Variants in CTNND2 observed in about 807,000 individuals in gnomAD.
CTNND2 encodes the protein catenin delta-2.
CTNND2 carries 22 observed loss-of-function variants against 144.4 expected under a neutral mutation model. The ratio of observed to expected loss-of-function variants is 0.15; its 90% CI spans 0.11 to 0.22. The LOEUF is 0.22. Ranked by LOEUF, CTNND2 falls within the 10% of genes least tolerant of loss-of-function variation. The pLI, the probability that CTNND2 is intolerant of heterozygous loss-of-function variation, is 1.00. For missense variants in CTNND2, 1,353 were observed against 1,618.8 expected, an observed-to-expected ratio of 0.84 and a Z score of 2.82; for synonymous variants, 751 against 695.6, an observed-to-expected ratio of 1.08 and a Z score of -1.25.
intron 9 of CTNND2, among the ~76,000 whole-genome samples, chr5:11,311,793 A>G (rs963723069): frequency 7.8e-6 from 1 of 128,476 alleles, no homozygotes; most frequent in Admixed American, 7.7e-5. Context: ...ACACACACAC[A>G]CACACACACT....
At chr5:11,874,928 A>G (rs72736685) in intron 1 of CTNND2, among the ~76,000 whole-genome samples, 85 of 152,338 alleles carry the variant, frequency 5.6e-4, no homozygotes, top group Middle Eastern at 3.4e-3. Context: ...TAAGTTACAT[A>G]TGAAAGAATG....
intron 1 of CTNND2, among the ~76,000 whole-genome samples, chr5:11,860,874 G>A (rs1047907528): frequency 6.6e-6 from 1 of 152,000 alleles, no homozygotes; most frequent in African/African-American, 2.4e-5. Context: ...TGCCTAAATT[G>A]CCATCTACAC....
intron 7 of CTNND2, among the ~76,000 whole-genome samples, chr5:11,374,478 C>T (rs1042566848): frequency 6.6e-6 from 1 of 152,128 alleles, no homozygotes; most frequent in African/African-American, 2.4e-5. Flanking sequence ...TCTTCACCAC[C>T]ACAATCTTCT....
chr5:11,653,069 TCGTG>T (rs1349275072), intron 2 of CTNND2, among the ~76,000 whole-genome samples: 1 of 105,082 alleles, frequency 9.5e-6, no homozygotes, highest in Admixed American at 1.1e-4. Context: ...TGAACAAAAT[TCGTG>T]TGTGTGTGTG....
chr5:11,582,810 G>A (rs1278152808), intron 2 of CTNND2, among the ~76,000 whole-genome samples: 1 of 152,206 alleles, frequency 6.6e-6, no homozygotes, highest in Admixed American at 6.5e-5. Context: ...CTCTGAGAAA[G>A]TTATATTAAA....
Position 11,018,077 on chromosome 5 carries a change from G to A in CTNND2, c.3000-19C>T, listed in dbSNP as rs1260139907. 1.3e-6 allele frequency: 2 copies of A among 1,577,576 alleles called. No homozygotes were observed. The highest frequency in any genetic ancestry group is 1.3e-5 in the African/African-American group (1 of 74,224). ...AGAGTGTCTGATGAAGAAAAGACAG[G>A]AAAGGCAAGATGTGAGTGGGACAGC... On this transcript the variant is annotated intron_variant, in intron 17 of 21. Coordinates refer to ENST00000304623, the MANE Select transcript of CTNND2 (RefSeq NM_001332.4).
chr5:11,574,833 A>G (rs1360390757), intron 2 of CTNND2, among the ~76,000 whole-genome samples: 1 of 152,202 alleles, frequency 6.6e-6, no homozygotes, highest in Admixed American at 6.5e-5. Context: ...AAAGGGTGAA[A>G]GACAAAAGTA....
intron 12 of CTNND2, among the ~76,000 whole-genome samples, chr5:11,120,503 G>A (rs201345222): frequency 0.17 from 4,099 of 23,614 alleles, no homozygotes; most frequent in Middle Eastern, 0.33. Flanking sequence ...GTCCGCAGGG[G>A]TAATGAGGCT....
At chr5:11,313,867 A>G (rs949796279) in intron 9 of CTNND2, among the ~76,000 whole-genome samples, 2 of 152,144 alleles carry the variant, frequency 1.3e-5, no homozygotes, top group Admixed American at 1.3e-4. Context: ...GGGAAGCAGG[A>G]ACGTCTTACA....
At chr5:11,868,561 T>C (rs1795883979) in intron 1 of CTNND2, among the ~76,000 whole-genome samples, 1 of 152,170 alleles carries the variant, frequency 6.6e-6, no homozygotes, top group Non-Finnish European at 1.5e-5. Context: ...AAGATTGCTA[T>C]CGTTTCAATA....
intron 9 of CTNND2, among the ~76,000 whole-genome samples, chr5:11,295,431 C>T (rs1748823394): frequency 6.6e-6 from 1 of 152,096 alleles, no homozygotes; most frequent in African/African-American, 2.4e-5. Context: ...AGATTCAATG[C>T]CATCCCCATC....
At chr5:11,845,638 G>C (rs1042625063) in intron 1 of CTNND2, among the ~76,000 whole-genome samples, 1 of 152,188 alleles carries the variant, frequency 6.6e-6, no homozygotes, top group Non-Finnish European at 1.5e-5. Context: ...CTTGGTCTTT[G>C]ACTTCCATCT....
chr5:11,198,526 A>G (rs993629708), intron 11 of CTNND2, among the ~76,000 whole-genome samples: 3 of 152,238 alleles, frequency 2.0e-5, no homozygotes, highest in Admixed American at 2.0e-4. Context: ...CTACTTCATC[A>G]GCATAGCTAC....
At position 11,357,270 on chromosome 5, in the gene CTNND2, A is replaced by T. The variant is rs143004358; in HGVS notation, c.1372+7426T>A. On this transcript the variant is annotated intron_variant, in intron 8 of 21. Transcript: ENST00000304623. ...ACTATTTACAATAACCAAGATAGGG[A>T]ATCAACCTATGTGTCCAACAATGGG... Among the ~76,000 whole-genome samples, 6 of 152,282 alleles carry T rather than the reference A, an allele frequency of 3.9e-5. No individual in the cohort carries two copies. In the East Asian group the frequency reaches 1.2e-3, roughly 29 times the overall value.
chr5:11,867,633 CCATT>C (rs58976660), intron 1 of CTNND2, among the ~76,000 whole-genome samples: 39,811 of 151,454 alleles, frequency 0.26, 5,512 homozygotes, highest in Non-Finnish European at 0.31. Context: ...GATACTGAGA[CCATT>C]CATTCATTCA....
chr5:11,256,018 G>C (rs1184520725), intron 9 of CTNND2, among the ~76,000 whole-genome samples: 1 of 152,136 alleles, frequency 6.6e-6, no homozygotes, highest in African/African-American at 2.4e-5. Flanking sequence ...GAACAGCCCT[G>C]CGTTCCGGCC....
intron 3 of CTNND2, among the ~76,000 whole-genome samples, chr5:11,461,522 C>A (rs1397343594): frequency 6.6e-6 from 1 of 152,090 alleles, no homozygotes; most frequent in Non-Finnish European, 1.5e-5. Flanking sequence ...CGGTGGTAGA[C>A]CTTTGCTTGG....
intron 3 of CTNND2, among the ~76,000 whole-genome samples, chr5:11,472,943 G>C (rs31942): frequency 1.3e-5 from 2 of 151,862 alleles, no homozygotes; most frequent in African/African-American, 4.8e-5. Flanking sequence ...GCATGGTGGC[G>C]CATGCCTGTG....
At chr5:11,363,229 A>T (rs1419942719) in intron 8 of CTNND2, among the ~76,000 whole-genome samples, 1 of 152,172 alleles carries the variant, frequency 6.6e-6, no homozygotes, top group Non-Finnish European at 1.5e-5. Context: ...AATGTGATAT[A>T]GATGAATTAA....
Sources: allele counts gnomAD v4.1 joint callset (sites outside exome capture counted in the v4.1 genomes callset), GRCh38; gene constraint gnomAD v4.1.1; transcripts MANE v1.5; gene names NCBI Gene and HGNC (gene_info 2026-07-23, HGNC 2026-07-21).